The following PLCL1 variants were observed in gnomAD, a reference collection of about 807,000 sequenced individuals.
PLCL1 encodes the protein phospholipase C like 1 (inactive).
PLCL1 carries 41 observed loss-of-function variants against 84.4 expected under a neutral mutation model. That is an observed-to-expected ratio of 0.49 (90% CI 0.38 to 0.63). The LOEUF is 0.63. Among genes scored for constraint, PLCL1 ranks in the 30% least tolerant of loss-of-function variants. The probability of loss-of-function intolerance (pLI) is 0.00; values close to 1 mark genes in which losing one functional copy is unlikely to be tolerated. For synonymous variants in PLCL1, 490 were observed against 488.3 expected (o/e 1.00, Z -0.05); for missense variants, 1,206 against 1,367.8 (o/e 0.88, Z 1.87).
chr2:198,048,904 A>G (rs1305322783), intron 1 of PLCL1, among the ~76,000 whole-genome samples: 2 of 152,238 alleles, frequency 1.3e-5, no homozygotes, highest in Non-Finnish European at 2.9e-5. Flanking sequence ...TTCAGACCAT[A>G]TTCAGCAATG....
chr2:198,094,286 C>A (rs1323131145), intron 3 of PLCL1, among the ~76,000 whole-genome samples: 4 of 152,168 alleles, frequency 2.6e-5, no homozygotes, highest in South Asian at 2.1e-4. Context: ...TGGTCTTGAT[C>A]TCCTGACCTC....
chr2:198,019,210 G>A (rs1354586094), intron 1 of PLCL1, among the ~76,000 whole-genome samples: 1 of 152,162 alleles, frequency 6.6e-6, no homozygotes. Context: ...GGACGACCAT[G>A]CAAAAACTTC....
intron 1 of PLCL1, among the ~76,000 whole-genome samples, chr2:197,922,948 G>A (rs1454258152): frequency 4.7e-5 from 6 of 127,578 alleles, no homozygotes; most frequent in Admixed American, 7.6e-5. Context: ...TGGCCGGGCG[G>A]GGGGCTGACC....
At chr2:198,096,925 G>GTGT (rs1693212623) in intron 3 of PLCL1, among the ~76,000 whole-genome samples, 2 of 152,304 alleles carry the variant, frequency 1.3e-5, no homozygotes, top group East Asian at 3.9e-4. Flanking sequence ...GTTATAACCA[G>GTGT]TATATATTCA....
intron 1 of PLCL1, among the ~76,000 whole-genome samples, chr2:197,837,653 C>T (rs916708994): frequency 1.3e-5 from 2 of 152,108 alleles, no homozygotes; most frequent in African/African-American, 4.8e-5. Flanking sequence ...TTATGACTGG[C>T]GGGTGACCCA....
chr2:197,954,015 A>G (rs1014253534), intron 1 of PLCL1, among the ~76,000 whole-genome samples: 1 of 152,090 alleles, frequency 6.6e-6, no homozygotes, highest in Non-Finnish European at 1.5e-5. Flanking sequence ...CTGTGTGTAC[A>G]TGGCTGTTTG....
intron 5 of PLCL1, among the ~76,000 whole-genome samples, chr2:198,138,774 A>C (rs1401897342): frequency 6.6e-6 from 1 of 152,120 alleles, no homozygotes; most frequent in African/African-American, 2.4e-5. Flanking sequence ...ATTATTGATA[A>C]TCCATGGTGG....
At chr2:197,966,657 C>T (rs1215715965) in intron 1 of PLCL1, among the ~76,000 whole-genome samples, 1 of 152,092 alleles carries the variant, frequency 6.6e-6, no homozygotes, top group East Asian at 1.9e-4. Flanking sequence ...GACTGCCTTT[C>T]CTACTTCTTC....
intron 1 of PLCL1, among the ~76,000 whole-genome samples, chr2:198,008,909 G>C (rs562367784): frequency 3.5e-4 from 53 of 151,976 alleles, no homozygotes; most frequent in African/African-American, 1.2e-3. Context: ...ATGAGTATGA[G>C]GTGATATTTC....
chr2:197,905,384 A>G (rs1688359150), intron 1 of PLCL1, among the ~76,000 whole-genome samples: 1 of 152,170 alleles, frequency 6.6e-6, no homozygotes. Context: ...GCTGAAAATG[A>G]TGGTTTCCAG....
chr2:197,822,903 C>T (rs1286772837), intron 1 of PLCL1, among the ~76,000 whole-genome samples: 2 of 152,026 alleles, frequency 1.3e-5, no homozygotes, highest in African/African-American at 4.8e-5. Context: ...TATATTAAGA[C>T]ACTATGCTCC....
intron 5 of PLCL1, among the ~76,000 whole-genome samples, chr2:198,104,451 T>G (rs1329715843): frequency 6.6e-6 from 1 of 152,030 alleles, no homozygotes; most frequent in Non-Finnish European, 1.5e-5. Context: ...TTGACGGACA[T>G]GTAGGTTGAT....
intron 3 of PLCL1, among the ~76,000 whole-genome samples, chr2:198,095,666 C>T (rs1693174117): frequency 6.6e-6 from 1 of 152,160 alleles, no homozygotes; most frequent in African/African-American, 2.4e-5. Flanking sequence ...ATATGTTACT[C>T]ATCATTTAAC....
chr2:197,918,967 TCC>T (rs869165089), intron 1 of PLCL1, among the ~76,000 whole-genome samples: 23 of 105,028 alleles, frequency 2.2e-4, no homozygotes, highest in Admixed American at 5.8e-4. Context: ...TCTCTCTCTC[TCC>T]CTCACACACA....
At chr2:197,824,121 T>C (rs995258584) in intron 1 of PLCL1, among the ~76,000 whole-genome samples, 2 of 152,164 alleles carry the variant, frequency 1.3e-5, no homozygotes, top group African/African-American at 4.8e-5. Context: ...TTCATATTAA[T>C]GAACAATATA....
chr2:197,948,248 A>G (rs773097525), intron 1 of PLCL1, among the ~76,000 whole-genome samples: 2 of 152,158 alleles, frequency 1.3e-5, no homozygotes, highest in Non-Finnish European at 2.9e-5. Flanking sequence ...GTGAAAGGTG[A>G]CACTGTTAAC....
intron 3 of PLCL1, among the ~76,000 whole-genome samples, chr2:198,089,438 T>C (rs1692965922): frequency 6.6e-6 from 1 of 152,170 alleles, no homozygotes. Flanking sequence ...TGAGACAAAA[T>C]TTATATAGAA....
In PLCL1 at chr2:198,147,978, C is replaced by A. The variant is rs539805539; in HGVS notation, c.*1016C>A. The A allele has an allele frequency of 6.6e-4, 100 of 152,294 alleles. No individual in the cohort carries two copies. The highest frequency in any genetic ancestry group is 2.3e-3 in the African/African-American group (94 of 41,526). The allele number at this position is 152,294 out of a possible 1,614,324, so 9.4% of individuals were successfully genotyped here. ...TTGAGCTGATATAAATTCTGTGGGTCCGATAATATCTTTGTGATAATTTAA... is the reference window on the plus strand; with the variant it reads ...TTGAGCTGATATAAATTCTGTGGGTACGATAATATCTTTGTGATAATTTAA... On this transcript the variant is annotated 3_prime_UTR_variant, in exon 6 of 6. Transcript: ENST00000428675.
chr2:197,848,460 T>C (rs1186255545), intron 1 of PLCL1, among the ~76,000 whole-genome samples: 4 of 152,210 alleles, frequency 2.6e-5, no homozygotes, highest in African/African-American at 9.6e-5. Flanking sequence ...CTGAGAGTTT[T>C]TCTTGTTGAT....
Sources: gnomAD v4.1 joint callset for allele counts (sites outside exome capture counted in the v4.1 genomes callset) on GRCh38, gnomAD v4.1.1 for gene constraint, MANE v1.5 for transcripts, NCBI Gene and HGNC (gene_info 2026-07-23, HGNC 2026-07-21) for gene names.